The following BAP1 variants were observed in gnomAD, a reference collection of about 807,000 sequenced individuals.
BAP1 encodes ubiquitin carboxyl-terminal hydrolase BAP1.
In BAP1, 16 loss-of-function variants were observed where a neutral mutation model predicts 77.2. The ratio of observed to expected loss-of-function variants is 0.21; its 90% CI spans 0.14 to 0.31. BAP1 has a LOEUF of 0.31. Among genes scored for constraint, BAP1 ranks in the 10% least tolerant of loss-of-function variants. The pLI, the probability that BAP1 is intolerant of heterozygous loss-of-function variation, is 1.00. For synonymous variants in BAP1, 362 were observed against 385.2 expected (o/e 0.94, Z 0.71); for missense variants, 699 against 967.3 (o/e 0.72, Z 3.68).
Position 52,403,083 on chromosome 3 carries a change from G to A in BAP1, c.1890+55C>T, listed in dbSNP as rs1705018101. 4 of 1,605,086 alleles carry A rather than the reference G, an allele frequency of 2.5e-6. No individual in the cohort carries two copies. The African/African-American group carries it at 4.0e-5, about 16-fold the overall frequency. The stretch of plus-strand genomic sequence containing the variant: ...AGAACTTGGCACCTGGGCAGGAGGA[G>A]CTCAGGCCTTACCCTCTGCCAGGAT... On this transcript the variant is annotated intron_variant, in intron 14 of 16. Coordinates refer to ENST00000460680, the MANE Select transcript of BAP1 (RefSeq NM_004656.4). This position sits in a 1 kb window ranked among gnomAD's most constrained non-coding sequence, Gnocchi z 4.0.
At chr3:52,405,662 C>T in intron 10 of BAP1, 103 bp downstream of exon 10, 1 of 1,527,928 alleles carries the variant, frequency 6.5e-7, no homozygotes, top group Non-Finnish European at 8.9e-7. Flanking sequence ...AAGAACACTG[C>T]CCAAGGACAT....
rs2153227191 is a variant in BAP1 at position 52,405,739 on chromosome 3, A to C, written c.931+26T>G. 5 of 1,612,180 alleles carry C rather than the reference A, an allele frequency of 3.1e-6. No individual in the cohort carries two copies. In the African/African-American group the frequency reaches 5.3e-5, roughly 17 times the overall value. ...ACATTAGCGGGTGGCTCTGAGGTCCACAAGAGGTCCCAAACCCCCCAGTAC... is the reference window on the plus strand; with the variant it reads ...ACATTAGCGGGTGGCTCTGAGGTCCCCAAGAGGTCCCAAACCCCCCAGTAC... On this transcript the variant is annotated intron_variant, in intron 10 of 16. Transcript: ENST00000460680.
intron 12 of BAP1, 118 bp downstream of exon 12, chr3:52,404,335 C>A: frequency 6.4e-7 from 1 of 1,572,770 alleles, no homozygotes; most frequent in East Asian, 2.2e-5. Flanking sequence ...CCCCAGGGCC[C>A]CAAACTCCGC....
intron 10 of BAP1, 97 bp downstream of exon 10, chr3:52,405,668 G>A: frequency 6.5e-7 from 1 of 1,538,164 alleles, no homozygotes; most frequent in Non-Finnish European, 8.8e-7. Flanking sequence ...ACTGCCCAAG[G>A]ACATCCCCAG....
Position 52,407,462 on chromosome 3 carries a change from T to C in BAP1, c.376-2A>G, listed in dbSNP as rs1705203543. 1 of 1,614,204 alleles carries C rather than the reference T, an allele frequency of 6.2e-7. No homozygotes were observed. Among genetic ancestry groups the C allele is most frequent in the Non-Finnish European group, 8.5e-7 (1 of 1,180,042 alleles). ...ATTGCCAATCGCATATCCTTTGCTC[T>C]ACGGGGAAGAAAATAAGGCCGTATC... On this transcript the variant is annotated splice_acceptor_variant, in intron 5 of 16. Transcript: ENST00000460680. LOFTEE classifies it high-confidence loss of function.
In BAP1 at chr3:52,403,761, G is replaced by T. The variant is rs1371815937; in HGVS notation, c.1384C>A (p.Pro462Thr). ...LKESQKDLSIPLSIKTSSGAG... is the reference protein window; with the variant it reads ...LKESQKDLSITLSIKTSSGAG... Reference sequence around the variant, plus strand: ...CCGCTGCTAGTCTTGATGGACAGAGGAATTGAGAGGTCCTTCTGGGACTCT... The same window carrying T: ...CCGCTGCTAGTCTTGATGGACAGAGTAATTGAGAGGTCCTTCTGGGACTCT... Residue 462 changes from proline to threonine, a missense_variant, in exon 13 of 17, where the codon CCT (proline) becomes ACT (threonine). Pro to Thr is a conservative substitution (Grantham distance 38). Coordinates refer to ENST00000460680, the MANE Select transcript of BAP1 (RefSeq NM_004656.4). The surrounding 1 kb of genome is among the most constrained non-coding windows in gnomAD (Gnocchi z 4.0). The T allele has an allele frequency of 6.2e-7, 1 of 1,614,092 alleles. No homozygotes were observed. Among genetic ancestry groups the T allele is most frequent in the East Asian group, 2.2e-5 (1 of 44,894 alleles).
At chr3:52,407,931 A>G (rs1395090750) in intron 5 of BAP1, 27 bp downstream of exon 5, 2 of 1,612,754 alleles carry the variant, frequency 1.2e-6, no homozygotes, top group Non-Finnish European at 1.7e-6. Context: ...GTTGGCTGTG[A>G]GCCAGGATGA....
At position 52,406,042 on chromosome 3, in the gene BAP1, C is replaced by G. The variant is rs1354237295; in HGVS notation, c.784-130G>C. On this transcript the variant is annotated intron_variant, in intron 9 of 16. Transcript: ENST00000460680. This position sits in a 1 kb window ranked among gnomAD's most constrained non-coding sequence, Gnocchi z 4.6. ...CATTCACTCACAGGGAAATAAAACA[C>G]CCAAACCCAAACTTCCTTTTAGAAG... 5 of 1,500,072 alleles carry G rather than the reference C, an allele frequency of 3.3e-6. No homozygotes were observed. The highest frequency in any genetic ancestry group is 1.9e-5 in the Admixed American group (1 of 52,462). 92.9% of individuals were successfully genotyped at this position (1,500,072 alleles called of 1,614,324 possible). A position where few individuals can be genotyped will look rare whatever the true frequency, so the allele number is the denominator to read the frequency against.
chr3:52,406,706 A>C lies in BAP1; in HGVS notation c.659+123T>G. 8.4e-7 allele frequency: 1 copy of C among 1,197,292 alleles called. No individual in the cohort carries two copies. Among genetic ancestry groups the C allele is most frequent in the Non-Finnish European group, 1.2e-6 (1 of 831,530 alleles). 74.2% of individuals were successfully genotyped at this position (1,197,292 alleles called of 1,614,324 possible). ...ACAACAAGTTGAGAACCCATGATCT[A>C]AGCCTGATCTTGCCAGATTCACCAT... is the stretch of plus-strand genomic sequence containing the variant. On this transcript the variant is annotated intron_variant, in intron 8 of 16. Coordinates refer to ENST00000460680, the MANE Select transcript of BAP1 (RefSeq NM_004656.4). This position sits in a 1 kb window ranked among gnomAD's most constrained non-coding sequence, Gnocchi z 4.6.
At position 52,403,069 on chromosome 3, in the gene BAP1, C is replaced by A. The variant is rs957749067; in HGVS notation, c.1890+69G>T. 53 of 1,602,840 alleles carry A rather than the reference C, an allele frequency of 3.3e-5. No homozygotes were observed. Among genetic ancestry groups the A allele is most frequent in the Non-Finnish European group, 4.2e-5 (50 of 1,178,304 alleles). Reference sequence around the variant, plus strand: ...CAAAGTTCCAATCAAGAACTTGGCACCTGGGCAGGAGGAGCTCAGGCCTTA... The same window carrying A: ...CAAAGTTCCAATCAAGAACTTGGCAACTGGGCAGGAGGAGCTCAGGCCTTA... On this transcript the variant is annotated intron_variant, in intron 14 of 16. Coordinates refer to ENST00000460680, the MANE Select transcript of BAP1 (RefSeq NM_004656.4). This position sits in a 1 kb window ranked among gnomAD's most constrained non-coding sequence, Gnocchi z 4.0.
At chr3:52,407,630 A>ATG (rs2153228033) in intron 5 of BAP1, among the ~76,000 whole-genome samples, 170 bp from the exon 6 acceptor site, 1 of 152,310 alleles carries the variant, frequency 6.6e-6, no homozygotes, top group South Asian at 2.1e-4. Flanking sequence ...GGAGCCCCAA[A>ATG]GAGATGGACT....
At chr3:52,405,950 G>T (rs758139837) in intron 9 of BAP1, 38 bp from the exon 10 acceptor site, 5 of 1,612,826 alleles carry the variant, frequency 3.1e-6, no homozygotes, top group Non-Finnish European at 4.2e-6. Context: ...AGAAAGGGTA[G>T]ACCCGGGCTT....
At chr3:52,408,997 A>G (rs1705260913) in intron 3 of BAP1, among the ~76,000 whole-genome samples, 2 of 152,372 alleles carry the variant, frequency 1.3e-5, no homozygotes, top group Admixed American at 6.5e-5. Context: ...GTGGGCCCCA[A>G]TGCAGTCAGG....
intron 12 of BAP1, 125 bp from the exon 13 acceptor site, chr3:52,404,019 C>A: frequency 2.0e-6 from 2 of 996,254 alleles, no homozygotes; most frequent in South Asian, 1.5e-5. Context: ...ATACTTGGTC[C>A]AAGCAACTTG....
chr3:52,405,216 T>C lies in BAP1; in HGVS notation c.1010A>G (p.Lys337Arg), dbSNP rs2153227049. The C allele has an allele frequency of 6.2e-7, 1 of 1,614,098 alleles. No individual in the cohort carries two copies. The highest frequency in any genetic ancestry group is 8.5e-7 in the Non-Finnish European group (1 of 1,180,022). ...SPPNKPKLVV[K>R]PPGSSLNGVH... ...CCCATTGAGGCTGCTGCCTGGAGGC[T>C]TCACCACTAGCTTGGGTTTGTTGGG... is the stretch of plus-strand genomic sequence containing the variant. Residue 337 changes from lysine to arginine, a missense_variant, in exon 11 of 17, where the codon AAG becomes AGG. Lys to Arg is a conservative substitution (Grantham distance 26, BLOSUM62 2). This residue lies in a region of BAP1 where 475 missense variants were observed against 532.4 expected (regional missense o/e 0.89). Coordinates refer to ENST00000460680, the MANE Select transcript of BAP1 (RefSeq NM_004656.4).
Position 52,406,949 on chromosome 3 carries a change from T to G in BAP1, c.581-42A>C, listed in dbSNP as rs2153227687. The G allele has an allele frequency of 6.4e-7, 1 of 1,552,790 alleles. No homozygotes were observed. Among genetic ancestry groups the G allele is most frequent in the Non-Finnish European group, 8.7e-7 (1 of 1,145,698 alleles). On this transcript the variant is annotated intron_variant, in intron 7 of 16. Transcript: ENST00000460680. The surrounding 1 kb of genome is among the most constrained non-coding windows in gnomAD (Gnocchi z 4.6). Reference sequence around the variant, plus strand: ...CAAGGAATCAGCGAGAAGGAAACCCTGAGTTTGGGCAGGCCAGGAGTGGGA... The same window carrying G: ...CAAGGAATCAGCGAGAAGGAAACCCGGAGTTTGGGCAGGCCAGGAGTGGGA...
In BAP1 at chr3:52,405,241, G is replaced by A. The variant is rs1559588585; in HGVS notation, c.985C>T (p.Pro329Ser). 3.7e-6 allele frequency: 6 copies of A among 1,614,068 alleles called. No homozygotes were observed. The highest frequency in any genetic ancestry group is 3.4e-6 in the Non-Finnish European group (4 of 1,180,032). ...SCAQAPSHSP[P>S]NKPKLVVKPP... is the part of the protein sequence containing the mutation. ...TTCACCACTAGCTTGGGTTTGTTGGGAGGGCTGTGGGATGGGGCTTGTGCG... is the reference window on the plus strand; with the variant it reads ...TTCACCACTAGCTTGGGTTTGTTGGAAGGGCTGTGGGATGGGGCTTGTGCG... Residue 329 changes from proline (P) to serine (S), a missense_variant, in exon 11 of 17, where the codon CCC (proline) becomes TCC (serine). Transcript: ENST00000460680.
At chr3:52,404,636 TGA>T in intron 11 of BAP1, 50 bp from the exon 12 acceptor site, 1 of 1,587,054 alleles carries the variant, frequency 6.3e-7, no homozygotes, top group Non-Finnish European at 8.6e-7. Context: ...CGGCCCAGGC[TGA>T]GCCTAGACAC....
In BAP1 at chr3:52,402,645, G is replaced by A. The variant is rs200194082; in HGVS notation, c.2013C>T (p.Tyr671=). ...KIDDQRRTHN[Y]DEFICTFISM... ...AGATAAAGGTGCAGATGAACTCATC[G>A]TAGTTGTGGGTCCTTCTCTGGTCAT... The change falls in exon 16 of 17, where the codon TAC becomes TAT. Residue 671 remains tyrosine, a synonymous_variant. Transcript: ENST00000460680. The surrounding 1 kb of genome is among the most constrained non-coding windows in gnomAD (Gnocchi z 5.3). The A allele has an allele frequency of 5.2e-5, 84 of 1,614,214 alleles. No homozygotes were observed. In the East Asian group the frequency reaches 8.9e-4, roughly 17 times the overall value.
Sources: allele counts gnomAD v4.1 joint callset (sites outside exome capture counted in the v4.1 genomes callset), GRCh38; gene constraint gnomAD v4.1.1; regional missense constraint gnomAD v4.1.1; non-coding constraint Gnocchi (gnomAD v3.1); transcripts MANE v1.5; gene names NCBI Gene and HGNC (gene_info 2026-07-23, HGNC 2026-07-21).